ZNF672: variants seen among roughly 807,000 people sequenced by gnomAD.
ZNF672 encodes zinc finger protein 672.
For missense variants in ZNF672, 733 were observed against 701.1 expected, an observed-to-expected ratio of 1.05 and a Z score of -0.51; for synonymous variants, 358 against 305.6, an observed-to-expected ratio of 1.17 and a Z score of -1.79.
At chr1:248,846,316 C>T (rs1664760559) in intron 3 of ZNF672, among the ~76,000 whole-genome samples, 1 of 152,208 alleles carries the variant, frequency 6.6e-6, no homozygotes, top group African/African-American at 2.4e-5. Flanking sequence ...ATGCCACCAA[C>T]TTTTAATAAT....
chr1:248,845,000 C>T (rs562718565), intron 2 of ZNF672, among the ~76,000 whole-genome samples: 10 of 152,340 alleles, frequency 6.6e-5, no homozygotes, highest in South Asian at 2.1e-4. Flanking sequence ...TGATGGCTCA[C>T]GCCTGTAATC....
chr1:248,847,972 G>T lies in ZNF672; in HGVS notation c.698G>T (p.Gly233Val), dbSNP rs1480463287. The T allele has an allele frequency of 1.9e-6, 3 of 1,562,070 alleles. No homozygotes were observed. Among genetic ancestry groups the T allele is most frequent in the South Asian group, 1.2e-5 (1 of 86,028 alleles). The stretch of plus-strand genomic sequence containing the variant: ...AAACCCTTCAAGTGCCCGGAGTGCG[G>T]CAAGGGCTTCCTGGAGAGCGCCACG... ...GEKPFKCPEC[G>V]KGFLESATLV... Residue 233 changes from glycine to valine, a missense_variant, in exon 4 of 4, where the codon GGC (glycine) becomes GTC (valine). Transcript: ENST00000306562.
intron 1 of ZNF672, among the ~76,000 whole-genome samples, chr1:248,842,256 G>C (rs1664690222): frequency 6.6e-6 from 1 of 152,132 alleles, no homozygotes; most frequent in Non-Finnish European, 1.5e-5. Flanking sequence ...CATGTCTAAG[G>C]AGCTGGTGGA....
At position 248,848,237 on chromosome 1, in the gene ZNF672, C is replaced by A; in HGVS notation, c.963C>A (p.Ser321Arg). Residue 321 changes from serine (S) to arginine (R), a missense_variant, in exon 4 of 4, where the codon AGC (serine) becomes AGA (arginine). Physicochemically the swap from Ser to Arg is moderately radical, Grantham distance 110. Coordinates refer to ENST00000306562, the MANE Select transcript of ZNF672 (RefSeq NM_024836.3). The stretch of plus-strand genomic sequence containing the variant: ...GCCCCGAGTGCGGCCGCCGCTTCAG[C>A]GACCGCTCGGACCTCACCAAGCACC... ...FACPECGRRF[S>R]DRSDLTKHRR... 6.2e-7 allele frequency: 1 copy of A among 1,600,844 alleles called. No individual in the cohort carries two copies.
intron 1 of ZNF672, among the ~76,000 whole-genome samples, 175 bp from the exon 2 acceptor site, chr1:248,844,308 A>G (rs1207214690): frequency 2.0e-5 from 3 of 152,174 alleles, no homozygotes; most frequent in East Asian, 3.8e-4. Context: ...ATTTTCACCA[A>G]TTCACACGTA....
In ZNF672 at chr1:248,848,139, G is replaced by A. The variant is rs928516606; in HGVS notation, c.865G>A (p.Gly289Ser). 2 of 1,577,162 alleles carry A rather than the reference G, an allele frequency of 1.3e-6. No homozygotes were observed. The highest frequency in any genetic ancestry group is 1.8e-5 in the Admixed American group (1 of 55,660). Residue 289 changes from glycine to serine, a missense_variant, in exon 4 of 4, where the codon GGC (glycine) becomes AGC (serine). Transcript: ENST00000306562. ...GCGGCCACATGCGTGCGCCACTTGCGGCAAGGGTTTCGGGCAGCGCTCCGA... is the reference window on the plus strand; with the variant it reads ...GCGGCCACATGCGTGCGCCACTTGCAGCAAGGGTTTCGGGCAGCGCTCCGA... Reference protein sequence around the residue: ...GERPHACATCGKGFGQRSDLV... With the variant: ...GERPHACATCSKGFGQRSDLV...
chr1:248,847,681 C>T lies in ZNF672; in HGVS notation c.407C>T (p.Thr136Ile). The T allele has an allele frequency of 6.8e-7, 1 of 1,478,216 alleles. No homozygotes were observed. Among genetic ancestry groups the T allele is most frequent in the Non-Finnish European group, 8.9e-7 (1 of 1,120,254 alleles). The allele number at this position is 1,478,216 out of a possible 1,614,324, so 91.6% of individuals were successfully genotyped here. The change falls in exon 4 of 4, where the codon ACC (threonine) becomes ATC (isoleucine). Residue 136 changes from threonine (T) to isoleucine (I), a missense_variant. Physicochemically the swap from Thr to Ile is moderately conservative, Grantham distance 89. Transcript: ENST00000306562. Reference protein sequence around the residue: ...RPRRCPLCARTFRQSALLFHQ... With the variant: ...RPRRCPLCARIFRQSALLFHQ... ...CGCCGCTGCCCGCTGTGCGCCCGCA[C>T]CTTCCGGCAGAGCGCGCTGCTCTTC...
Position 248,848,369 on chromosome 1 carries a change from GCCACACAAATGC to G in ZNF672, c.1098_1109del (p.His367_Pro370del), listed in dbSNP as rs761877645. 1.9e-6 allele frequency: 3 copies of G among 1,602,332 alleles called. No individual in the cohort carries two copies. The highest frequency in any genetic ancestry group is 2.5e-6 in the Non-Finnish European group (3 of 1,179,790). On this transcript the variant is annotated inframe_deletion, in exon 4 of 4. Transcript: ENST00000306562. ...ATCGGCGCAACCATGCCGGCCACAA[GCCACACAAATGC>G]CCCGAGTGCAGCAAGGCCTTCAGCG...
chr1:248,840,049 A>G (rs1044174657), intron 1 of ZNF672, among the ~76,000 whole-genome samples: 6 of 150,166 alleles, frequency 4.0e-5, no homozygotes, highest in African/African-American at 9.8e-5. Flanking sequence ...AGATTTAGCA[A>G]TATTTTGACC....
intron 3 of ZNF672, among the ~76,000 whole-genome samples, chr1:248,846,157 G>C (rs934963530): frequency 1.3e-5 from 2 of 152,192 alleles, no homozygotes; most frequent in African/African-American, 4.8e-5. Context: ...AAATGCTGCA[G>C]AATGTTCATA....
At chr1:248,839,780 C>T (rs1336479643) in intron 1 of ZNF672, among the ~76,000 whole-genome samples, 3 of 135,672 alleles carry the variant, frequency 2.2e-5, no homozygotes, top group African/African-American at 8.7e-5. Context: ...GCTCTGTCGT[C>T]CAGGCTGGAG....
chr1:248,843,864 C>T (rs1664715840), intron 1 of ZNF672, among the ~76,000 whole-genome samples: 1 of 152,120 alleles, frequency 6.6e-6, no homozygotes, highest in Admixed American at 6.5e-5. Context: ...GCTCAGTCAC[C>T]ACATGTGGCT....
In ZNF672 at chr1:248,848,663, A is replaced by G; in HGVS notation, c.*30A>G. The stretch of plus-strand genomic sequence containing the variant: ...GGGAGGCTTGCTGAGGCTTCTCTAA[A>G]GGTGGTTGGGCAAGCACCTATATAG... On this transcript the variant is annotated 3_prime_UTR_variant, in exon 4 of 4. Transcript: ENST00000306562. The G allele has an allele frequency of 6.5e-7, 1 of 1,538,778 alleles. No homozygotes were observed. The highest frequency in any genetic ancestry group is 8.7e-7 in the Non-Finnish European group (1 of 1,144,016).
Position 248,848,565 on chromosome 1 carries a change from G to T in ZNF672, c.1291G>T (p.Ala431Ser). ...CGCTGCCGCCGTTGCCATCCAGTCC[G>T]CAGTGGGCACTGCCCTCGTCTTTGA... ...RTAAAVAIQSAVGTALVFEGP... is the reference protein window; with the variant it reads ...RTAAAVAIQSSVGTALVFEGP... Residue 431 changes from alanine (A) to serine (S), a missense_variant, in exon 4 of 4, where the codon GCA becomes TCA. Ala to Ser is a moderately conservative substitution (Grantham distance 99). Coordinates refer to ENST00000306562, the MANE Select transcript of ZNF672 (RefSeq NM_024836.3). 1 of 1,599,006 alleles carries T rather than the reference G, an allele frequency of 6.3e-7. No individual in the cohort carries two copies. The highest frequency in any genetic ancestry group is 8.5e-7 in the Non-Finnish European group (1 of 1,170,718).
chr1:248,839,462 T>G (rs1191671688), intron 1 of ZNF672: 1 of 152,080 alleles, frequency 6.6e-6, no homozygotes, highest in Non-Finnish European at 1.5e-5. Context: ...GTGAGAACCC[T>G]CGTCTCTACA....
Position 248,848,637 on chromosome 1 carries a change from A to T in ZNF672, c.*4A>T. The T allele has an allele frequency of 2.6e-6, 4 of 1,561,690 alleles. No individual in the cohort carries two copies. Among genetic ancestry groups the T allele is most frequent in the Non-Finnish European group, 2.6e-6 (3 of 1,152,926 alleles). On this transcript the variant is annotated 3_prime_UTR_variant, in exon 4 of 4. Coordinates refer to ENST00000306562, the MANE Select transcript of ZNF672 (RefSeq NM_024836.3). ...GCCAGGGTTCTCTGTGTCCTAGTTG[A>T]GGGAGGCTTGCTGAGGCTTCTCTAA...
At chr1:248,840,254 C>A (rs1483596044) in intron 1 of ZNF672, among the ~76,000 whole-genome samples, 1 of 151,070 alleles carries the variant, frequency 6.6e-6, no homozygotes, top group Non-Finnish European at 1.5e-5. Flanking sequence ...CCATGCCTGG[C>A]TACTTTTTTG....
chr1:248,841,452 A>G (rs564783483), intron 1 of ZNF672, among the ~76,000 whole-genome samples: 2 of 152,138 alleles, frequency 1.3e-5, no homozygotes, highest in East Asian at 3.9e-4. Flanking sequence ...TGTGTCTCAG[A>G]AGGACAGGAC....
Position 248,848,231 on chromosome 1 carries a change from C to T in ZNF672, c.957C>T (p.Arg319=), listed in dbSNP as rs1358062846. 1 of 1,601,574 alleles carries T rather than the reference C, an allele frequency of 6.2e-7. No homozygotes were observed. The highest frequency in any genetic ancestry group is 8.5e-7 in the Non-Finnish European group (1 of 1,177,572). The change falls in exon 4 of 4, where the codon CGC becomes CGT. Residue 319 remains arginine (R), a synonymous_variant. Transcript: ENST00000306562. The stretch of plus-strand genomic sequence containing the variant: ...TCGCGTGCCCCGAGTGCGGCCGCCG[C>T]TTCAGCGACCGCTCGGACCTCACCA... The part of the protein sequence containing the change: ...KPFACPECGR[R]FSDRSDLTKH...
Sources: allele counts gnomAD v4.1 joint callset (sites outside exome capture counted in the v4.1 genomes callset), GRCh38; gene constraint gnomAD v4.1.1; transcripts MANE v1.5; gene names NCBI Gene and HGNC (gene_info 2026-07-23, HGNC 2026-07-21).